The following OSBPL8 variants were observed in gnomAD, a reference collection of about 807,000 sequenced individuals.
OSBPL8 encodes the protein oxysterol binding protein like 8, also known as oxysterol-binding protein-related protein 8.
In OSBPL8, 59 loss-of-function variants were observed where a neutral mutation model predicts 125.5. That is an observed-to-expected ratio of 0.47 (90% CI 0.38 to 0.58). OSBPL8 has a LOEUF of 0.58. OSBPL8 is among the 20% of genes least tolerant of loss of function. The pLI is 0.00. For synonymous variants in OSBPL8, 330 were observed against 338.9 expected (o/e 0.97, Z 0.29); for missense variants, 758 against 1,047.8 (o/e 0.72, Z 3.82).
intron 4 of OSBPL8, among the ~76,000 whole-genome samples, chr12:76,437,023 G>C (rs2136628353): frequency 6.6e-6 from 1 of 152,006 alleles, no homozygotes; most frequent in Non-Finnish European, 1.5e-5. Flanking sequence ...TTTCATTATT[G>C]TATGGTACTC....
chr12:76,474,796 T>C (rs1876598988), intron 2 of OSBPL8, among the ~76,000 whole-genome samples: 1 of 152,238 alleles, frequency 6.6e-6, no homozygotes, highest in South Asian at 2.1e-4. Context: ...AATTAAATTT[T>C]ATGTCTATAT....
rs1346255318 is a variant in OSBPL8 at position 76,352,140 on chromosome 12, T to A, written c.*3749A>T. ...TTAGCATGCTAAAAAGTGAAAAAAA[T>A]TTCAACTGAAGTTCTGTGGCTCATC... On this transcript the variant is annotated 3_prime_UTR_variant, in exon 24 of 24. Coordinates refer to ENST00000261183, the MANE Select transcript of OSBPL8 (RefSeq NM_020841.5). 6.6e-6 allele frequency: 1 copy of A among 152,568 alleles called. No individual in the cohort carries two copies. The highest frequency in any genetic ancestry group is 2.4e-5 in the African/African-American group (1 of 41,442). 9.5% of individuals were successfully genotyped at this position (152,568 alleles called of 1,614,324 possible).
intron 4 of OSBPL8, among the ~76,000 whole-genome samples, chr12:76,437,958 A>C (rs1382173564): frequency 6.6e-6 from 1 of 152,150 alleles, no homozygotes; most frequent in Admixed American, 6.5e-5. Context: ...ACTGCAGTTA[A>C]CATAAATTAA....
chr12:76,469,069 T>A (rs369499749), intron 2 of OSBPL8, among the ~76,000 whole-genome samples: 4 of 152,272 alleles, frequency 2.6e-5, no homozygotes, highest in South Asian at 4.1e-4. Flanking sequence ...TGACCACTCC[T>A]TTTCTGAAAA....
intron 21 of OSBPL8, among the ~76,000 whole-genome samples, chr12:76,367,763 T>C (rs1027381393): frequency 8.5e-5 from 13 of 152,302 alleles, no homozygotes; most frequent in Middle Eastern, 3.4e-3. Context: ...CATTTACACC[T>C]ACCTCTACAA....
At chr12:76,395,314 A>G (rs554620344) in intron 8 of OSBPL8, among the ~76,000 whole-genome samples, 1 of 152,178 alleles carries the variant, frequency 6.6e-6, no homozygotes, top group Non-Finnish European at 1.5e-5. Context: ...ACCAACACTA[A>G]TTAGTATCAC....
chr12:76,485,212 C>T lies in OSBPL8; in HGVS notation c.42+2298G>A, dbSNP rs981113806. On this transcript the variant is annotated intron_variant, in intron 2 of 23. Coordinates refer to ENST00000261183, the MANE Select transcript of OSBPL8 (RefSeq NM_020841.5). ...TGCTGGGATTACAGGTGTGACGCAC[C>T]GTGCCCGGCCTCTCACTACTTTTCA... 9.2e-5 allele frequency among the ~76,000 whole-genome samples: 14 copies of T among 152,074 alleles called. 3 individuals are homozygous for T. The highest frequency in any genetic ancestry group is 8.3e-4 in the South Asian group (4 of 4,812).
intron 5 of OSBPL8, among the ~76,000 whole-genome samples, chr12:76,403,937 T>A (rs1336653446): frequency 1.3e-5 from 2 of 152,070 alleles, no homozygotes; most frequent in African/African-American, 4.8e-5. Flanking sequence ...AAAATGAAAA[T>A]AAAATAGGTA....
At chr12:76,497,662 C>T (rs946887187) in intron 1 of OSBPL8, among the ~76,000 whole-genome samples, 2 of 152,196 alleles carry the variant, frequency 1.3e-5, no homozygotes, top group Admixed American at 1.3e-4. Context: ...TCTGTCCAAA[C>T]AACTTTTTTC....
At chr12:76,492,534 G>A (rs1279184503) in intron 1 of OSBPL8, among the ~76,000 whole-genome samples, 2 of 152,160 alleles carry the variant, frequency 1.3e-5, no homozygotes, top group African/African-American at 4.8e-5. Flanking sequence ...AGCTTCATCT[G>A]TATTTACAGC....
chr12:76,441,058 A>G (rs574924930), intron 4 of OSBPL8, among the ~76,000 whole-genome samples: 1 of 152,298 alleles, frequency 6.6e-6, no homozygotes, highest in East Asian at 1.9e-4. Flanking sequence ...TTAAGCTTTC[A>G]TATTTCCTTA....
intron 8 of OSBPL8, among the ~76,000 whole-genome samples, chr12:76,397,347 A>G (rs1033565550): frequency 4.5e-3 from 6 of 1,334 alleles, no homozygotes; most frequent in Non-Finnish European, 9.3e-3. Context: ...GGGGGTGGGG[A>G]GGGGGGGTGG....
intron 19 of OSBPL8, 106 bp downstream of exon 19, chr12:76,371,342 T>A (rs935752193): frequency 8.3e-7 from 1 of 1,208,300 alleles, no homozygotes; most frequent in African/African-American, 1.5e-5. Context: ...TAAACTATTT[T>A]GCTGAATTAA....
chr12:76,458,599 C>T (rs1874341706), intron 3 of OSBPL8, among the ~76,000 whole-genome samples: 1 of 151,540 alleles, frequency 6.6e-6, no homozygotes. Context: ...GCAGGAAGAT[C>T]CCTTGAGCCC....
intron 1 of OSBPL8, among the ~76,000 whole-genome samples, chr12:76,542,607 T>C (rs188350923): frequency 6.6e-6 from 1 of 152,308 alleles, no homozygotes; most frequent in East Asian, 1.9e-4. Flanking sequence ...TTAGAACCAC[T>C]GGCCTACAGG....
At position 76,352,094 on chromosome 12, in the gene OSBPL8, C is replaced by T. The variant is rs1432060276; in HGVS notation, c.*3795G>A. The stretch of plus-strand genomic sequence containing the variant: ...ATTTATGAATGGCCATTAAACAGAA[C>T]ATTTAAACTCAGATGTATATTTAGC... On this transcript the variant is annotated 3_prime_UTR_variant, in exon 24 of 24. Coordinates refer to ENST00000261183, the MANE Select transcript of OSBPL8 (RefSeq NM_020841.5). The T allele has an allele frequency of 6.6e-6, 1 of 152,456 alleles. No individual in the cohort carries two copies. Among genetic ancestry groups the T allele is most frequent in the African/African-American group, 2.4e-5 (1 of 41,404 alleles). The allele number at this position is 152,456 out of a possible 1,614,324, so 9.4% of individuals were successfully genotyped here. A position where few individuals can be genotyped will look rare whatever the true frequency, so the allele number is the denominator to read the frequency against.
intron 5 of OSBPL8, among the ~76,000 whole-genome samples, chr12:76,407,407 C>T (rs1183349240): frequency 1.3e-5 from 2 of 152,164 alleles, no homozygotes; most frequent in African/African-American, 4.8e-5. Flanking sequence ...TGTGCCACCA[C>T]ACCCGGCTAA....
chr12:76,438,152 A>C (rs979140895), intron 4 of OSBPL8, among the ~76,000 whole-genome samples: 5 of 151,298 alleles, frequency 3.3e-5, no homozygotes, highest in South Asian at 2.1e-4. Context: ...ACGCCCAGCT[A>C]ATTTTTTGTA....
rs369865123 is a variant in OSBPL8, at chr12:76,410,553, T to C, written c.288+11A>G. The C allele has an allele frequency of 1.5e-5, 23 of 1,566,476 alleles. No homozygotes were observed. Among genetic ancestry groups the C allele is most frequent in the Admixed American group, 3.4e-5 (2 of 59,546 alleles). ...TATGTCATAATCATGTATTTGCTTA[T>C]ATATGCTTACCTTGCTCTTTGACAT... On this transcript the variant is annotated intron_variant, in intron 5 of 23. Transcript: ENST00000261183.
Sources: gnomAD v4.1 joint callset for allele counts (sites outside exome capture counted in the v4.1 genomes callset) on GRCh38, gnomAD v4.1.1 for gene constraint, MANE v1.5 for transcripts, NCBI Gene and HGNC (gene_info 2026-07-23, HGNC 2026-07-21) for gene names.